Variants in CASZ1 observed in about 807,000 individuals in gnomAD.
CASZ1 encodes zinc finger protein castor homolog 1.
A neutral mutation model predicts 135.2 loss-of-function variants in CASZ1; 28 were observed. The ratio of observed to expected loss-of-function variants is 0.21; its 90% confidence interval spans 0.15 to 0.28. The LOEUF (loss-of-function observed/expected upper bound fraction) is 0.28. Ranked by LOEUF, CASZ1 falls within the 10% of genes least tolerant of loss-of-function variation. The pLI is 1.00. For missense variants in CASZ1, 2,161 were observed against 2,453.3 expected (o/e 0.88, Z 2.52); for synonymous variants, 1,068 against 1,073.4 (o/e 0.99, Z 0.10).
intron 4 of CASZ1, among the ~76,000 whole-genome samples, chr1:10,691,424 A>G (rs749075662): frequency 2.2e-4 from 34 of 152,130 alleles, no homozygotes; most frequent in Non-Finnish European, 4.1e-4. Flanking sequence ...TGACTTCCTC[A>G]TGGCTGAAGG....
rs1638961514 is a variant in CASZ1, at chr1:10,697,579, T to G, written c.-23-3667A>C. ...GCCCTTCCTGTCACACTGCTATCGC[T>G]GGTTCCTGTTACCCCCCCCGCACCC... On this transcript the variant is annotated intron_variant, in intron 3 of 20. Coordinates refer to ENST00000377022, the MANE Select transcript of CASZ1 (RefSeq NM_001079843.3). This position sits in a 1 kb window ranked among gnomAD's most constrained non-coding sequence, Gnocchi z 4.7. 6.6e-6 allele frequency among the ~76,000 whole-genome samples: 1 copy of G among 151,862 alleles called. No homozygotes were observed. The highest frequency in any genetic ancestry group is 2.4e-5 in the African/African-American group (1 of 41,312).
At chr1:10,649,666 C>A in intron 13 of CASZ1, 4 of 521,184 alleles carry the variant, frequency 7.7e-6, no homozygotes, top group Non-Finnish European at 1.4e-5. Flanking sequence ...CAGGGCTCCT[C>A]CACATGAGCC....
rs1167228825 is a variant in CASZ1 at position 10,699,909 on chromosome 1, A to G, written c.-24+5583T>C. 6.6e-6 allele frequency among the ~76,000 whole-genome samples: 1 copy of G among 152,102 alleles called. No homozygotes were observed. Among genetic ancestry groups the G allele is most frequent in the Non-Finnish European group, 1.5e-5 (1 of 68,042 alleles). ...TTTTGGGGTGGAAACGTGGAGTGTGAGAGAAGAGAGAGGTAGGTGGGAAGA... is the reference window on the plus strand; with the variant it reads ...TTTTGGGGTGGAAACGTGGAGTGTGGGAGAAGAGAGAGGTAGGTGGGAAGA... On this transcript the variant is annotated intron_variant, in intron 3 of 20. Coordinates refer to ENST00000377022, the MANE Select transcript of CASZ1 (RefSeq NM_001079843.3). This position sits in a 1 kb window ranked among gnomAD's most constrained non-coding sequence, Gnocchi z 4.6.
chr1:10,793,844 G>A lies in CASZ1; in HGVS notation c.-234+2720C>T, dbSNP rs1641006665. Among the ~76,000 whole-genome samples the A allele has an allele frequency of 5.3e-5, 8 of 152,234 alleles. No homozygotes were observed. The South Asian group carries it at 1.7e-3, about 32-fold the overall frequency. On this transcript the variant is annotated intron_variant, in intron 1 of 20. Coordinates refer to ENST00000377022, the MANE Select transcript of CASZ1 (RefSeq NM_001079843.3). ...AAGAGGGTCCAGGAGCTCCCGCGAG[G>A]GGCACACCCTAAAAACCGAAGTTTG...
Position 10,656,628 on chromosome 1 carries a change from A to G in CASZ1, c.1500+18T>C, listed in dbSNP as rs1291052992. ...TGCTGGTGGCGGAGAGGCGGAGCCCATCTGGCTGTGGCCGTACCTGGTAGT... is the reference window on the plus strand; with the variant it reads ...TGCTGGTGGCGGAGAGGCGGAGCCCGTCTGGCTGTGGCCGTACCTGGTAGT... On this transcript the variant is annotated intron_variant, in intron 8 of 20. Coordinates refer to ENST00000377022, the MANE Select transcript of CASZ1 (RefSeq NM_001079843.3). The G allele has an allele frequency of 1.9e-6, 3 of 1,573,480 alleles. No individual in the cohort carries two copies. The highest frequency in any genetic ancestry group is 1.7e-6 in the Non-Finnish European group (2 of 1,155,350).
rs758378362 is a variant in CASZ1 at position 10,646,144 on chromosome 1, C to T, written c.3680G>A (p.Cys1227Tyr). The change falls in exon 17 of 21, where the codon TGT (cysteine) becomes TAT (tyrosine). Residue 1227 changes from cysteine to tyrosine, a missense_variant. By Grantham distance (194) the Cys-to-Tyr change is radical. Coordinates refer to ENST00000377022, the MANE Select transcript of CASZ1 (RefSeq NM_001079843.3). The surrounding 1 kb of genome is among the most constrained non-coding windows in gnomAD (Gnocchi z 6.4). ...RDQFAYYSLQCLCPNQHCEFR... is the reference protein window; with the variant it reads ...RDQFAYYSLQYLCPNQHCEFR... ...CATGCTGACCTGGTTGGGACAGAGA[C>T]ACTGCAGAGAGTAGTATGCAAACTG... 5 of 1,614,126 alleles carry T rather than the reference C, an allele frequency of 3.1e-6. No homozygotes were observed. Among genetic ancestry groups the T allele is most frequent in the East Asian group, 2.2e-5 (1 of 44,886 alleles).
At chr1:10,785,034 T>TCTTGCTTG (rs950424110) in intron 1 of CASZ1, among the ~76,000 whole-genome samples, 5 of 56,518 alleles carry the variant, frequency 8.8e-5, no homozygotes, top group African/African-American at 1.9e-4. Flanking sequence ...TGTCTTTCTT[T>TCTTGCTTG]CTTGCTTGCT....
At chr1:10,650,228 C>A (rs1642517661) in intron 13 of CASZ1, 1 of 152,166 alleles carries the variant, frequency 6.6e-6, no homozygotes, top group African/African-American at 2.4e-5. Context: ...TTTACAAAGA[C>A]CCTGCATTAT....
At chr1:10,750,664 C>G (rs1383117830) in intron 2 of CASZ1, among the ~76,000 whole-genome samples, 3 of 152,082 alleles carry the variant, frequency 2.0e-5, no homozygotes, top group Non-Finnish European at 2.9e-5. Context: ...CTTTGGGAGG[C>G]TGACGCAGGT....
intron 1 of CASZ1, among the ~76,000 whole-genome samples, chr1:10,778,914 C>G (rs544111285): frequency 3.5e-4 from 54 of 152,312 alleles, no homozygotes; most frequent in African/African-American, 1.3e-3. Context: ...CTCCCTGGGC[C>G]CCTACATCCC....
Position 10,709,099 on chromosome 1 carries a change from C to T in CASZ1, c.-76-3555G>A, listed in dbSNP as rs1208196917. Among the ~76,000 whole-genome samples, 3 of 152,126 alleles carry T rather than the reference C, an allele frequency of 2.0e-5. No homozygotes were observed. The highest frequency in any genetic ancestry group is 7.2e-5 in the African/African-American group (3 of 41,410). Reference sequence around the variant, plus strand: ...AGGGGCCTCCTCCATCTGCAGTTCCCTCTTGCTGGAGCCGCTGCTGGTCCA... The same window carrying T: ...AGGGGCCTCCTCCATCTGCAGTTCCTTCTTGCTGGAGCCGCTGCTGGTCCA... On this transcript the variant is annotated intron_variant, in intron 2 of 20. Coordinates refer to ENST00000377022, the MANE Select transcript of CASZ1 (RefSeq NM_001079843.3). The surrounding 1 kb of genome is among the most constrained non-coding windows in gnomAD (Gnocchi z 5.1).
At chr1:10,670,854 C>A (rs148652708) in intron 4 of CASZ1, among the ~76,000 whole-genome samples, 1 of 152,186 alleles carries the variant, frequency 6.6e-6, no homozygotes, top group East Asian at 1.9e-4. Flanking sequence ...AGCCAGGACC[C>A]GTCCCCTCCA....
At position 10,639,610 on chromosome 1, in the gene CASZ1, C is replaced by T; in HGVS notation, c.4612G>A (p.Gly1538Ser). ...TKVTAHRKHHGKQDVISAAGF... is the reference protein window; with the variant it reads ...TKVTAHRKHHSKQDVISAAGF... ...GCGGCGCTGATCACGTCCTGTTTGCCGTGGTGCTTGCGATGCGCCGTGACC... is the reference window on the plus strand; with the variant it reads ...GCGGCGCTGATCACGTCCTGTTTGCTGTGGTGCTTGCGATGCGCCGTGACC... The change falls in exon 21 of 21, where the codon GGC (glycine) becomes AGC (serine). Residue 1538 changes from glycine (G) to serine (S), a missense_variant. By Grantham distance (56) the Gly-to-Ser change is moderately conservative. Around this residue, in one of 7 missense-constraint regions of CASZ1, gnomAD observed 240 missense variants for 321.4 expected, o/e 0.75. Coordinates refer to ENST00000377022, the MANE Select transcript of CASZ1 (RefSeq NM_001079843.3). The surrounding 1 kb of genome is among the most constrained non-coding windows in gnomAD (Gnocchi z 4.0). 2 of 1,611,108 alleles carry T rather than the reference C, an allele frequency of 1.2e-6. No individual in the cohort carries two copies. Among genetic ancestry groups the T allele is most frequent in the Non-Finnish European group, 1.7e-6 (2 of 1,179,736 alleles).
chr1:10,683,224 G>GT (rs1638482398), intron 4 of CASZ1, among the ~76,000 whole-genome samples: 1 of 152,138 alleles, frequency 6.6e-6, no homozygotes, highest in South Asian at 2.1e-4. Context: ...CTTCCTCTGG[G>GT]TTAGGAGTAG....
chr1:10,661,453 C>T (rs1383456794), intron 5 of CASZ1: 4 of 149,846 alleles, frequency 2.7e-5, no homozygotes, highest in Non-Finnish European at 5.9e-5. Context: ...CCATACAACA[C>T]ACACATGCAT....
In CASZ1 at chr1:10,693,924, G is replaced by A; in HGVS notation, c.-23-12C>T. 1.2e-6 allele frequency: 2 copies of A among 1,611,908 alleles called. No homozygotes were observed. Among genetic ancestry groups the A allele is most frequent in the Non-Finnish European group, 1.7e-6 (2 of 1,178,714 alleles). On this transcript the variant is annotated splice_polypyrimidine_tract_variant and intron_variant, in intron 3 of 20. Coordinates refer to ENST00000377022, the MANE Select transcript of CASZ1 (RefSeq NM_001079843.3). ...CTTGGTCCCAAACTCTTCGCAGAAC[G>A]CCACCAGGGGAAGACCGGGAGAGAA...
intron 1 of CASZ1, among the ~76,000 whole-genome samples, chr1:10,761,901 T>C (rs1051615570): frequency 6.6e-6 from 1 of 152,084 alleles, no homozygotes; most frequent in African/African-American, 2.4e-5. Flanking sequence ...ATCAGGAAGA[T>C]TGCCACTGAA....
chr1:10,732,884 G>A (rs975294762), intron 2 of CASZ1, among the ~76,000 whole-genome samples: 1 of 152,108 alleles, frequency 6.6e-6, no homozygotes, highest in African/African-American at 2.4e-5. Context: ...TGCCACCAGT[G>A]TGCAATTCAC....
At chr1:10,687,077 C>A (rs1299774064) in intron 4 of CASZ1, among the ~76,000 whole-genome samples, 1 of 152,172 alleles carries the variant, frequency 6.6e-6, no homozygotes, top group Non-Finnish European at 1.5e-5. Flanking sequence ...GGAGTCTCTC[C>A]CAACAGGCCT....
Sources: gnomAD v4.1 joint callset for allele counts (sites outside exome capture counted in the v4.1 genomes callset) on GRCh38, gnomAD v4.1.1 for gene constraint, gnomAD v4.1.1 regional missense constraint, Gnocchi (gnomAD v3.1) non-coding constraint, MANE v1.5 for transcripts, NCBI Gene and HGNC (gene_info 2026-07-23, HGNC 2026-07-21) for gene names.